Variants in RRAS2 observed in about 807,000 individuals in gnomAD.
RRAS2 encodes ras-related protein R-Ras2.
RRAS2 carries 7 observed loss-of-function variants against 27.6 expected under a neutral mutation model. The ratio of observed to expected loss-of-function variants is 0.25; its 90% CI spans 0.14 to 0.48. The LOEUF is 0.48. RRAS2 is among the 20% of genes least tolerant of loss of function. RRAS2 has a pLI of 0.99. For synonymous variants in RRAS2, 86 were observed against 90.9 expected (o/e 0.95, Z 0.31); for missense variants, 178 against 256.2 (o/e 0.69, Z 2.08).
At chr11:14,354,390 T>C (rs1849028423) in intron 1 of RRAS2, 1 of 152,164 alleles carries the variant, frequency 6.6e-6, no homozygotes, top group African/African-American at 2.4e-5. Flanking sequence ...GATAAAGCAC[T>C]AACCCCAAAA....
At chr11:14,354,549 A>G (rs1554955221) in intron 1 of RRAS2, 1 of 152,224 alleles carries the variant, frequency 6.6e-6, no homozygotes, top group Non-Finnish European at 1.5e-5. Context: ...GGAGAGGGCA[A>G]TGAAGACTTA....
chr11:14,344,362 A>G (rs782515528), intron 1 of RRAS2, among the ~76,000 whole-genome samples: 2 of 151,670 alleles, frequency 1.3e-5, no homozygotes, highest in Non-Finnish European at 2.9e-5. Context: ...CCTTAAATTC[A>G]CTCCTTCCTC....
Position 14,341,985 on chromosome 11 carries a change from A to G in RRAS2, c.108+16778T>C, listed in dbSNP as rs117178714. On this transcript the variant is annotated intron_variant, in intron 1 of 5. Transcript: ENST00000256196. ...AGTAATCATATGATAGTATTCCTAA[A>G]CTACGTTTTGGAGAGGACACCACTG... 4,391 of 522,410 alleles carry G rather than the reference A, an allele frequency of 8.4e-3. 31 individuals carry two copies. Among genetic ancestry groups the G allele is most frequent in the Non-Finnish European group, 0.011 (3,607 of 339,710 alleles). The allele number at this position is 522,410 out of a possible 1,614,324, so 32.4% of individuals were successfully genotyped here.
At chr11:14,315,733 C>T (rs1371389428) in intron 1 of RRAS2, among the ~76,000 whole-genome samples, 1 of 151,952 alleles carries the variant, frequency 6.6e-6, no homozygotes, top group Non-Finnish European at 1.5e-5. Flanking sequence ...TTAAAGTCTA[C>T]TAAAAAAAAA....
chr11:14,316,698 G>A (rs1003851345), intron 1 of RRAS2, among the ~76,000 whole-genome samples: 3 of 152,156 alleles, frequency 2.0e-5, no homozygotes, highest in Non-Finnish European at 2.9e-5. Flanking sequence ...AGCTATGATC[G>A]CACCACTGCA....
In RRAS2 at chr11:14,321,698, C is replaced by T. The variant is rs1366394144; in HGVS notation, c.109-25843G>A. ...TTCAGTCTCTAATTGAAAGTCTGAC[C>T]CATTTCTGAAATTTTGCCTGTTCTG... is the stretch of plus-strand genomic sequence containing the variant. On this transcript the variant is annotated intron_variant, in intron 1 of 5. Coordinates refer to ENST00000256196, the MANE Select transcript of RRAS2 (RefSeq NM_012250.6). 3.3e-5 allele frequency among the ~76,000 whole-genome samples: 5 copies of T among 152,274 alleles called. No individual in the cohort carries two copies. In the South Asian group the frequency reaches 8.3e-4, roughly 25 times the overall value.
intron 1 of RRAS2, among the ~76,000 whole-genome samples, chr11:14,352,397 AATTTAT>A (rs1396049134): frequency 6.6e-6 from 1 of 152,236 alleles, no homozygotes; most frequent in Non-Finnish European, 1.5e-5. Context: ...AATTTAAGAC[AATTTAT>A]ATTTCTTTGC....
At chr11:14,341,578 T>A (rs1554953260) in intron 1 of RRAS2, among the ~76,000 whole-genome samples, 1 of 151,754 alleles carries the variant, frequency 6.6e-6, no homozygotes, top group African/African-American at 2.4e-5. Context: ...TATTTGTTGT[T>A]TGAGAAGGAC....
At chr11:14,359,218 G>A, upstream of RRAS2, 2 of 561,690 alleles carry the variant, frequency 3.6e-6, no homozygotes, top group Non-Finnish European at 4.5e-6. Flanking sequence ...TGCTGCATAT[G>A]CATGAGGGGG....
chr11:14,357,700 A>G (rs1344984524), intron 1 of RRAS2, among the ~76,000 whole-genome samples: 1 of 152,224 alleles, frequency 6.6e-6, no homozygotes, highest in Non-Finnish European at 1.5e-5. Context: ...AATTAATGAC[A>G]AATGGGTGAA....
At chr11:14,320,216 T>C (rs1848195386) in intron 1 of RRAS2, among the ~76,000 whole-genome samples, 1 of 152,098 alleles carries the variant, frequency 6.6e-6, no homozygotes, top group Non-Finnish European at 1.5e-5. Context: ...ATTTTATTCA[T>C]TGAACAGAAA....
intron 1 of RRAS2, among the ~76,000 whole-genome samples, chr11:14,350,561 T>C (rs2134035905): frequency 6.6e-6 from 1 of 152,284 alleles, no homozygotes; most frequent in Non-Finnish European, 1.5e-5. Flanking sequence ...ACAAAACCTC[T>C]TTTCTTTATA....
chr11:14,347,915 A>G (rs1554954251), intron 1 of RRAS2, among the ~76,000 whole-genome samples: 1 of 152,174 alleles, frequency 6.6e-6, no homozygotes, highest in African/African-American at 2.4e-5. Context: ...AACACAGAAA[A>G]AAACAAAAAC....
chr11:14,286,112 TTTC>T (rs1374621542), intron 4 of RRAS2, among the ~76,000 whole-genome samples: 1 of 152,212 alleles, frequency 6.6e-6, no homozygotes, highest in African/African-American at 2.4e-5. Context: ...TCTAACATGT[TTTC>T]TTGATTGCAT....
At chr11:14,314,649 AT>A (rs1433792158) in intron 1 of RRAS2, among the ~76,000 whole-genome samples, 1 of 152,208 alleles carries the variant, frequency 6.6e-6, no homozygotes, top group African/African-American at 2.4e-5. Flanking sequence ...CTTGAAAATT[AT>A]TGCCAAACCA....
intron 1 of RRAS2, among the ~76,000 whole-genome samples, chr11:14,351,144 A>AT (rs782340054): frequency 6.6e-6 from 1 of 152,196 alleles, no homozygotes; most frequent in Non-Finnish European, 1.5e-5. Flanking sequence ...CAAAAAATGC[A>AT]TAACCTGAAT....
intron 1 of RRAS2, among the ~76,000 whole-genome samples, chr11:14,296,745 TTTG>T (rs1356437179): frequency 3.9e-4 from 60 of 152,204 alleles, no homozygotes; most frequent in Non-Finnish European, 5.9e-5. Context: ...ACTGACATCT[TTTG>T]TTGTTTTTTT....
At chr11:14,338,333 AT>A (rs1446245385) in intron 1 of RRAS2, among the ~76,000 whole-genome samples, 4 of 152,192 alleles carry the variant, frequency 2.6e-5, no homozygotes, top group Non-Finnish European at 5.9e-5. Context: ...CTTATCTGAA[AT>A]ACTTGGGACT....
chr11:14,329,019 A>G (rs111317107), intron 1 of RRAS2, among the ~76,000 whole-genome samples: 148 of 147,358 alleles, frequency 1.0e-3, no homozygotes, highest in South Asian at 2.1e-3. Flanking sequence ...GTGTATATAT[A>G]TATATATATA....
Sources: allele counts gnomAD v4.1 joint callset (sites outside exome capture counted in the v4.1 genomes callset), GRCh38; gene constraint gnomAD v4.1.1; transcripts MANE v1.5; gene names NCBI Gene and HGNC (gene_info 2026-07-23, HGNC 2026-07-21).